PAX3: variants seen among roughly 807,000 people sequenced by gnomAD.
The protein encoded by PAX3 is paired box protein Pax-3.
In PAX3, 14 loss-of-function variants were observed where a neutral mutation model predicts 51.6. The ratio of observed to expected loss-of-function variants is 0.27; its 90% CI spans 0.18 to 0.42. The LOEUF (loss-of-function observed/expected upper bound fraction) is 0.42, where lower values mean the gene tolerates loss of function less well. Ranked by LOEUF, PAX3 falls within the 10% of genes least tolerant of loss-of-function variation. PAX3 has a pLI of 1.00. For synonymous variants in PAX3, 280 were observed against 253.4 expected (o/e 1.11, Z -1.00); for missense variants, 540 against 642.8 (o/e 0.84, Z 1.73).
At chr2:222,285,329 AAG>A (rs981045096) in intron 4 of PAX3, among the ~76,000 whole-genome samples, 3 of 152,238 alleles carry the variant, frequency 2.0e-5, no homozygotes, top group Non-Finnish European at 4.4e-5. Context: ...TTTTGAAAGA[AAG>A]AGGTAGTATG....
rs1256236778 is a variant in PAX3, at chr2:222,293,938, G to T, written c.586+229C>A. The T allele has an allele frequency of 5.2e-6, 8 of 1,532,204 alleles. No homozygotes were observed. In the East Asian group the frequency reaches 1.9e-4, roughly 36 times the overall value. The allele number at this position is 1,532,204 out of a possible 1,614,324, so 94.9% of individuals were successfully genotyped here. A position where few individuals can be genotyped will look rare whatever the true frequency, so the allele number is the denominator to read the frequency against. ...AATCCCAGGGGCTGAAAGTGGTTAA[G>T]AAAGAAAGATTTACAAAACAGAAAA... is the stretch of plus-strand genomic sequence containing the variant. On this transcript the variant is annotated intron_variant, in intron 4 of 8. Transcript: ENST00000392070.
intron 8 of PAX3, 89 bp downstream of exon 8, chr2:222,201,855 A>C: frequency 6.2e-7 from 1 of 1,612,476 alleles, no homozygotes; most frequent in Non-Finnish European, 8.5e-7. Context: ...TGTGTGGCTT[A>C]ATCTTGCCTC....
chr2:222,286,104 A>G (rs978505416), intron 4 of PAX3, among the ~76,000 whole-genome samples: 1 of 152,062 alleles, frequency 6.6e-6, no homozygotes, highest in African/African-American at 2.4e-5. Flanking sequence ...CACCCAGCTA[A>G]TTTTTATATT....
At chr2:222,254,871 C>T (rs1029659449) in intron 4 of PAX3, among the ~76,000 whole-genome samples, 5 of 152,124 alleles carry the variant, frequency 3.3e-5, no homozygotes, top group Admixed American at 2.6e-4. Flanking sequence ...CAACCTCCGC[C>T]TCCTGGGTTC....
chr2:222,225,036 C>T (rs1290406445), intron 5 of PAX3, among the ~76,000 whole-genome samples: 1 of 152,004 alleles, frequency 6.6e-6, no homozygotes, highest in African/African-American at 2.4e-5. Flanking sequence ...TTTTACTATC[C>T]CCACACAAGA....
chr2:222,218,907 G>A (rs1347831463), intron 7 of PAX3, among the ~76,000 whole-genome samples: 1 of 152,112 alleles, frequency 6.6e-6, no homozygotes, highest in Non-Finnish European at 1.5e-5. Context: ...AGGCGGAAAT[G>A]TTTATTTCAT....
At chr2:222,296,027 G>GA (rs562871550) in intron 2 of PAX3, among the ~76,000 whole-genome samples, 253 of 152,330 alleles carry the variant, frequency 1.7e-3, no homozygotes, top group African/African-American at 6.0e-3. Context: ...AGCGATGTTT[G>GA]AAAAAGGAGC....
At chr2:222,208,300 TA>T (rs1479071681) in intron 7 of PAX3, among the ~76,000 whole-genome samples, 1 of 133,206 alleles carries the variant, frequency 7.5e-6, no homozygotes, top group Non-Finnish European at 1.8e-5. Context: ...CTATAGCAAA[TA>T]TTTTTTTTTT....
chr2:222,223,450 G>A (rs940925527), intron 5 of PAX3, among the ~76,000 whole-genome samples: 3 of 152,124 alleles, frequency 2.0e-5, no homozygotes, highest in African/African-American at 4.8e-5. Flanking sequence ...TCACTGCCCC[G>A]GTCTGAGTGC....
Position 222,289,551 on chromosome 2 carries a change from C to A in PAX3, c.586+4616G>T, listed in dbSNP as rs532312873. The stretch of plus-strand genomic sequence containing the variant: ...TTCAGTAATTATTACTCAGTAGAAG[C>A]CCCTACGTCCTGGTTCCGGTGCTAT... On this transcript the variant is annotated intron_variant, in intron 4 of 8. Transcript: ENST00000392070. 3.9e-5 allele frequency among the ~76,000 whole-genome samples: 6 copies of A among 152,278 alleles called. No individual in the cohort carries two copies. In the East Asian group the frequency reaches 9.6e-4, roughly 24 times the overall value.
At chr2:222,252,550 C>G (rs1693476841) in intron 4 of PAX3, among the ~76,000 whole-genome samples, 1 of 152,164 alleles carries the variant, frequency 6.6e-6, no homozygotes, top group African/African-American at 2.4e-5. Context: ...CCGTTACCAC[C>G]AAAGCCCATC....
At chr2:222,289,282 T>C (rs1694943874) in intron 4 of PAX3, among the ~76,000 whole-genome samples, 1 of 152,212 alleles carries the variant, frequency 6.6e-6, no homozygotes, top group Non-Finnish European at 1.5e-5. Flanking sequence ...CAGCTTTTCA[T>C]TTTCATTGGC....
At chr2:222,278,861 T>C (rs899565597) in intron 4 of PAX3, among the ~76,000 whole-genome samples, 1 of 152,354 alleles carries the variant, frequency 6.6e-6, no homozygotes, top group Non-Finnish European at 1.5e-5. Context: ...TTGTCAGCTC[T>C]CAGCGTCCTT....
At chr2:222,257,944 C>T (rs144892931) in intron 4 of PAX3, among the ~76,000 whole-genome samples, 20 of 152,218 alleles carry the variant, frequency 1.3e-4, no homozygotes, top group Non-Finnish European at 2.8e-4. Flanking sequence ...TAGGGATGGA[C>T]GGCAAACCCT....
At chr2:222,252,571 C>T (rs1482551946) in intron 4 of PAX3, among the ~76,000 whole-genome samples, 2 of 152,122 alleles carry the variant, frequency 1.3e-5, no homozygotes, top group Non-Finnish European at 2.9e-5. Flanking sequence ...ATCACTATCA[C>T]CATCTAAGAC....
chr2:222,249,197 G>A (rs1400666100), intron 4 of PAX3, among the ~76,000 whole-genome samples: 2 of 152,278 alleles, frequency 1.3e-5, no homozygotes, highest in African/African-American at 4.8e-5. Flanking sequence ...GAATTAAATT[G>A]AAGAGGCATT....
At chr2:222,261,170 C>T (rs1278647216) in intron 4 of PAX3, among the ~76,000 whole-genome samples, 3 of 152,168 alleles carry the variant, frequency 2.0e-5, no homozygotes, top group Admixed American at 6.5e-5. Context: ...CAGCAAACAA[C>T]GATTTTGTCA....
At chr2:222,296,921 T>C (rs2106203363) in intron 2 of PAX3, 57 bp downstream of exon 2, 1 of 1,430,310 alleles carries the variant, frequency 7.0e-7, no homozygotes, top group African/African-American at 1.4e-5. Flanking sequence ...CGCCCGGTCT[T>C]CCCCAACACA....
intron 4 of PAX3, among the ~76,000 whole-genome samples, chr2:222,272,257 C>G (rs1169150331): frequency 6.6e-6 from 1 of 152,164 alleles, no homozygotes; most frequent in Non-Finnish European, 1.5e-5. Flanking sequence ...GTTGCATTAG[C>G]TTTAGTTCTT....
Sources: allele counts gnomAD v4.1 joint callset (sites outside exome capture counted in the v4.1 genomes callset), GRCh38; gene constraint gnomAD v4.1.1; transcripts MANE v1.5; gene names NCBI Gene and HGNC (gene_info 2026-07-23, HGNC 2026-07-21).